The following ST8SIA1 variants were observed in gnomAD, a reference collection of about 807,000 sequenced individuals.
ST8SIA1 encodes the protein alpha-N-acetylneuraminide alpha-2,8-sialyltransferase.
A neutral mutation model predicts 35.9 loss-of-function variants in ST8SIA1; 16 were observed. That is an observed-to-expected ratio of 0.45 (90% CI 0.30 to 0.68). The LOEUF is 0.68. Ranked by LOEUF, ST8SIA1 falls within the 30% of genes least tolerant of loss-of-function variation. ST8SIA1 has a pLI of 0.09. For synonymous variants in ST8SIA1, 170 were observed against 169.6 expected, an observed-to-expected ratio of 1.00 and a Z score of -0.02; for missense variants, 383 against 453.6, an observed-to-expected ratio of 0.84 and a Z score of 1.41.
intron 2 of ST8SIA1, among the ~76,000 whole-genome samples, chr12:22,265,357 A>G (rs1865835517): frequency 6.6e-6 from 1 of 152,228 alleles, no homozygotes; most frequent in African/African-American, 2.4e-5. Context: ...GCTAGACGTC[A>G]TACTTGCAAT....
rs552100790 is a variant in ST8SIA1 at position 22,223,406 on chromosome 12, CCTT to C, written c.585-21371_585-21369del. On this transcript the variant is annotated intron_variant, in intron 4 of 4. Transcript: ENST00000396037. ...GATCACAAAATAATCATTTCAACCTCCTTCTGTATCTTCCTGTAGTCCAAAGTG... is the reference window on the plus strand; with the variant it reads ...GATCACAAAATAATCATTTCAACCTCCTGTATCTTCCTGTAGTCCAAAGTG... 208 of 494,588 alleles carry C rather than the reference CCTT, an allele frequency of 4.2e-4. 2 individuals carry two copies. The highest frequency in any genetic ancestry group is 4.1e-3 in the African/African-American group (198 of 47,720). 30.6% of individuals were successfully genotyped at this position (494,588 alleles called of 1,614,324 possible). A position where few individuals can be genotyped will look rare whatever the true frequency, so the allele number is the denominator to read the frequency against.
At chr12:22,308,984 C>T (rs1384665981) in intron 1 of ST8SIA1, among the ~76,000 whole-genome samples, 1 of 152,062 alleles carries the variant, frequency 6.6e-6, no homozygotes, top group Non-Finnish European at 1.5e-5. Flanking sequence ...GAGTCACAGC[C>T]ACATTCCTTA....
In ST8SIA1 at chr12:22,334,260, G is replaced by T. The variant is rs764999243; in HGVS notation, c.-28C>A. ...CAGCCCCGGCGTCCCAGGGGCGGGG[G>T]CCGGGGCCTCAGCACAAAGCTAGGC... On this transcript the variant is annotated 5_prime_UTR_variant, in exon 1 of 5. Coordinates refer to ENST00000396037, the MANE Select transcript of ST8SIA1 (RefSeq NM_003034.4). 7 of 1,585,930 alleles carry T rather than the reference G, an allele frequency of 4.4e-6. No individual in the cohort carries two copies. The Admixed American group carries it at 8.5e-5, about 19-fold the overall frequency.
At chr12:22,310,553 T>A (rs1235579266) in intron 1 of ST8SIA1, among the ~76,000 whole-genome samples, 2 of 152,194 alleles carry the variant, frequency 1.3e-5, no homozygotes, top group Non-Finnish European at 2.9e-5. Context: ...AGATCACCAC[T>A]GAATCTTAAG....
chr12:22,230,670 TA>T (rs1484377442), intron 4 of ST8SIA1, among the ~76,000 whole-genome samples: 1 of 152,184 alleles, frequency 6.6e-6, no homozygotes, highest in Admixed American at 6.5e-5. Context: ...TTACCCCTTA[TA>T]AACTACTAAC....
intron 4 of ST8SIA1, among the ~76,000 whole-genome samples, chr12:22,204,408 C>A (rs1033356458): frequency 1.6e-4 from 25 of 152,208 alleles, no homozygotes; most frequent in Non-Finnish European, 2.5e-4. Context: ...GTTCCCAGTG[C>A]TACATTCTCA....
intron 1 of ST8SIA1, among the ~76,000 whole-genome samples, chr12:22,313,592 G>A (rs1866479966): frequency 6.6e-6 from 1 of 152,150 alleles, no homozygotes; most frequent in Non-Finnish European, 1.5e-5. Flanking sequence ...AGACAACTAA[G>A]CTGGATACCC....
At chr12:22,281,629 T>G (rs1591843189) in intron 2 of ST8SIA1, among the ~76,000 whole-genome samples, 1 of 152,198 alleles carries the variant, frequency 6.6e-6, no homozygotes, top group African/African-American at 2.4e-5. Flanking sequence ...AACTATGGTG[T>G]TGTATAGGAT....
At chr12:22,306,916 T>C (rs540566895) in intron 1 of ST8SIA1, among the ~76,000 whole-genome samples, 1 of 152,332 alleles carries the variant, frequency 6.6e-6, no homozygotes, top group East Asian at 1.9e-4. Flanking sequence ...ATCCATTTGT[T>C]GATGTTTTAA....
chr12:22,240,380 T>C lies in ST8SIA1; in HGVS notation c.584+8626A>G, dbSNP rs528048479. 5.1e-4 allele frequency among the ~76,000 whole-genome samples: 77 copies of C among 152,340 alleles called. 1 individual carries two copies. Among genetic ancestry groups the C allele is most frequent in the Middle Eastern group, 3.4e-3 (1 of 294 alleles). ...CCATGTATCCATATTTTTAGGGGCT[T>C]TTCTTTTCTATCTCCTACTTGCTAT... On this transcript the variant is annotated intron_variant, in intron 4 of 4. Transcript: ENST00000396037.
intron 1 of ST8SIA1, 94 bp from the exon 2 acceptor site, chr12:22,287,387 C>T (rs535974566): frequency 3.9e-6 from 5 of 1,282,930 alleles, no homozygotes; most frequent in African/African-American, 2.9e-5. Flanking sequence ...TGCCACCTTA[C>T]CTCAGTGCCA....
rs907369944 is a variant in ST8SIA1 at position 22,199,167 on chromosome 12, T to TTC, written c.*2384_*2385insGA. On this transcript the variant is annotated 3_prime_UTR_variant, in exon 5 of 5. Coordinates refer to ENST00000396037, the MANE Select transcript of ST8SIA1 (RefSeq NM_003034.4). ...TTCTTTCTTTTTCTTTTCTTTTTTT[T>TTC]TTTTTTGAGACAGGGTCTTGCCCTG... The TTC allele has an allele frequency of 4.0e-4, 60 of 150,680 alleles. 1 individual carries two copies. In the East Asian group the frequency reaches 0.011, roughly 27 times the overall value. 9.3% of individuals were successfully genotyped at this position (150,680 alleles called of 1,614,324 possible).
rs1335653234 is a variant in ST8SIA1, at chr12:22,194,927, T to A, written c.*6625A>T. The A allele has an allele frequency of 6.6e-6, 1 of 152,182 alleles. No individual in the cohort carries two copies. Among genetic ancestry groups the A allele is most frequent in the East Asian group, 1.9e-4 (1 of 5,176 alleles). 9.4% of individuals were successfully genotyped at this position (152,182 alleles called of 1,614,324 possible). A position where few individuals can be genotyped will look rare whatever the true frequency, so the allele number is the denominator to read the frequency against. On this transcript the variant is annotated 3_prime_UTR_variant, in exon 5 of 5. Transcript: ENST00000396037. ...GGCTGGGCTCGGTGGCTTATGCCTG[T>A]AATCCCAGCACTTTGGGAGGCTGAG... is the stretch of plus-strand genomic sequence containing the variant.
intron 2 of ST8SIA1, among the ~76,000 whole-genome samples, chr12:22,262,569 T>C (rs1363214992): frequency 6.6e-6 from 1 of 152,172 alleles, no homozygotes; most frequent in Non-Finnish European, 1.5e-5. Flanking sequence ...TAGAAGCACA[T>C]GAGTTAACCA....
intron 4 of ST8SIA1, among the ~76,000 whole-genome samples, chr12:22,224,460 C>T (rs1207074655): frequency 6.6e-6 from 1 of 152,006 alleles, no homozygotes; most frequent in Non-Finnish European, 1.5e-5. Context: ...CAGATGCACA[C>T]CACCAGGCCT....
chr12:22,259,855 T>C (rs1300851069), intron 2 of ST8SIA1, among the ~76,000 whole-genome samples: 5 of 152,186 alleles, frequency 3.3e-5, no homozygotes, highest in Non-Finnish European at 1.5e-5. Context: ...TTGGCAATGG[T>C]CCATGTTTTC....
intron 1 of ST8SIA1, among the ~76,000 whole-genome samples, chr12:22,291,960 A>T (rs939180446): frequency 3.9e-5 from 6 of 152,200 alleles, no homozygotes; most frequent in African/African-American, 1.4e-4. Context: ...TATTTATAAA[A>T]TTTTAAATAA....
intron 2 of ST8SIA1, among the ~76,000 whole-genome samples, chr12:22,266,062 T>G (rs1865844753): frequency 6.6e-6 from 1 of 152,060 alleles, no homozygotes. Flanking sequence ...TACGCACCTG[T>G]GTTTCCTCAG....
At chr12:22,333,200 T>C (rs1439001407) in intron 1 of ST8SIA1, among the ~76,000 whole-genome samples, 1 of 152,174 alleles carries the variant, frequency 6.6e-6, no homozygotes. Flanking sequence ...CTTGGGCATT[T>C]TGTTTGTTTT....
Sources: allele counts gnomAD v4.1 joint callset (sites outside exome capture counted in the v4.1 genomes callset), GRCh38; gene constraint gnomAD v4.1.1; transcripts MANE v1.5; gene names NCBI Gene and HGNC (gene_info 2026-07-23, HGNC 2026-07-21).